The following MVB12B variants were observed in gnomAD, a reference collection of about 807,000 sequenced individuals.
MVB12B encodes the protein ESCRT-I complex subunit MVB12B.
A neutral mutation model predicts 41.6 loss-of-function variants in MVB12B; 16 were observed. That is an observed-to-expected ratio of 0.38 (90% CI 0.26 to 0.58). MVB12B has a LOEUF of 0.58. MVB12B is among the 20% of genes least tolerant of loss of function. The pLI, the probability that MVB12B is intolerant of heterozygous loss-of-function variation, is 0.62. For missense variants in MVB12B, 274 were observed against 380.2 expected, an observed-to-expected ratio of 0.72 and a Z score of 2.32; for synonymous variants, 133 against 139.7, an observed-to-expected ratio of 0.95 and a Z score of 0.34.
chr9:126,402,385 C>G (rs1831289730), intron 6 of MVB12B, among the ~76,000 whole-genome samples: 1 of 152,122 alleles, frequency 6.6e-6, no homozygotes, highest in Admixed American at 6.6e-5. Flanking sequence ...TGCCTGTAAT[C>G]CTAGCACTTT....
intron 7 of MVB12B, among the ~76,000 whole-genome samples, chr9:126,427,145 A>G (rs1305685118): frequency 6.6e-6 from 1 of 152,220 alleles, no homozygotes; most frequent in African/African-American, 2.4e-5. Flanking sequence ...AAAATGCTGT[A>G]AACAATGTAA....
chr9:126,502,882 A>C (rs1176978433), intron 9 of MVB12B, among the ~76,000 whole-genome samples: 1 of 152,178 alleles, frequency 6.6e-6, no homozygotes, highest in Non-Finnish European at 1.5e-5. Flanking sequence ...GGTTTTACAC[A>C]CTGCTGGTGC....
At chr9:126,338,090 T>C (rs1172472687) in intron 1 of MVB12B, among the ~76,000 whole-genome samples, 1 of 152,190 alleles carries the variant, frequency 6.6e-6, no homozygotes, top group Non-Finnish European at 1.5e-5. Flanking sequence ...TGGCTGGTGA[T>C]GGCGCTTCCT....
At chr9:126,455,917 G>T (rs1200555119) in intron 7 of MVB12B, among the ~76,000 whole-genome samples, 6 of 128,440 alleles carry the variant, frequency 4.7e-5, no homozygotes, top group Non-Finnish European at 1.6e-5. Flanking sequence ...TTGAGACGGA[G>T]TCTTGCTCTT....
intron 2 of MVB12B, among the ~76,000 whole-genome samples, chr9:126,360,478 A>G (rs1279174709): frequency 6.6e-6 from 1 of 152,236 alleles, no homozygotes; most frequent in Non-Finnish European, 1.5e-5. Flanking sequence ...GCTGTGATTC[A>G]TTGACTTCAG....
At chr9:126,363,567 A>C (rs1327937220) in intron 2 of MVB12B, among the ~76,000 whole-genome samples, 1 of 152,218 alleles carries the variant, frequency 6.6e-6, no homozygotes, top group East Asian at 1.9e-4. Context: ...ACTTTCCAAA[A>C]GATGAGGTTA....
At chr9:126,402,155 C>T (rs1031995976) in intron 6 of MVB12B, among the ~76,000 whole-genome samples, 20 of 152,226 alleles carry the variant, frequency 1.3e-4, no homozygotes, top group Non-Finnish European at 2.8e-4. Context: ...GAGTTGAAAT[C>T]TGTGGTTTCA....
At chr9:126,491,557 G>A (rs558396790) in intron 9 of MVB12B, among the ~76,000 whole-genome samples, 2 of 152,232 alleles carry the variant, frequency 1.3e-5, no homozygotes, top group East Asian at 3.9e-4. Flanking sequence ...ATATTTCACC[G>A]CCCAGAATCC....
intron 7 of MVB12B, among the ~76,000 whole-genome samples, chr9:126,469,357 A>G (rs1387372178): frequency 6.6e-6 from 1 of 152,208 alleles, no homozygotes; most frequent in African/African-American, 2.4e-5. Context: ...TAGCTATCCT[A>G]TTGGAATGGT....
At chr9:126,441,771 A>G (rs1832646217) in intron 7 of MVB12B, among the ~76,000 whole-genome samples, 1 of 152,230 alleles carries the variant, frequency 6.6e-6, no homozygotes, top group South Asian at 2.1e-4. Flanking sequence ...TAGTGATAAC[A>G]TTAATAGTGT....
At chr9:126,487,176 G>C (rs1833636987) in intron 9 of MVB12B, among the ~76,000 whole-genome samples, 1 of 152,198 alleles carries the variant, frequency 6.6e-6, no homozygotes, top group Non-Finnish European at 1.5e-5. Context: ...TTCTTTTTCT[G>C]CACGATCAGG....
In MVB12B at chr9:126,486,475, C is replaced by A. The variant is rs1044076707; in HGVS notation, c.873+2443C>A. 6.6e-6 allele frequency among the ~76,000 whole-genome samples: 1 copy of A among 152,222 alleles called. No individual in the cohort carries two copies. Among genetic ancestry groups the A allele is most frequent in the Admixed American group, 6.5e-5 (1 of 15,282 alleles). ...ACTGTGGACAGGGGCAAGTCACATA[C>A]CTGCTGTTTACCATGGGGTCACGGC... On this transcript the variant is annotated intron_variant, in intron 9 of 9. Transcript: ENST00000361171. The surrounding 1 kb of genome is among the most constrained non-coding windows in gnomAD (Gnocchi z 4.7).
chr9:126,384,766 CA>C (rs977636110), intron 3 of MVB12B, among the ~76,000 whole-genome samples: 85 of 151,642 alleles, frequency 5.6e-4, no homozygotes, highest in African/African-American at 2.0e-3. Flanking sequence ...CTCCTGACCT[CA>C]AGTGATCCAC....
intron 2 of MVB12B, among the ~76,000 whole-genome samples, chr9:126,378,043 G>A (rs534114621): frequency 1.3e-5 from 2 of 152,366 alleles, no homozygotes; most frequent in South Asian, 4.1e-4. Context: ...ACTGGTTTAA[G>A]CTATTGGGCC....
At position 126,340,602 on chromosome 9, in the gene MVB12B, G is replaced by A. The variant is rs769355896; in HGVS notation, c.176G>A (p.Arg59Gln). ...ACGGGAGTCGGGGTGGTGGCTTCTC[G>A]GAACCGAGCCCCGACAGGCTATGAC... is the stretch of plus-strand genomic sequence containing the variant. The part of the protein sequence containing the change: ...PITGVGVVAS[R>Q]NRAPTGYDVV... Residue 59 changes from arginine to glutamine, a missense_variant, in exon 2 of 10, where the codon CGG (arginine) becomes CAG (glutamine). By Grantham distance (43) the Arg-to-Gln change is conservative (BLOSUM62 1). Transcript: ENST00000361171. This position sits in a 1 kb window ranked among gnomAD's most constrained non-coding sequence, Gnocchi z 4.0. 12 of 1,614,016 alleles carry A rather than the reference G, an allele frequency of 7.4e-6. No individual in the cohort carries two copies. Among genetic ancestry groups the A allele is most frequent in the South Asian group, 4.4e-5 (4 of 91,088 alleles).
intron 7 of MVB12B, among the ~76,000 whole-genome samples, chr9:126,454,583 A>T (rs1347519391): frequency 6.6e-6 from 1 of 152,194 alleles, no homozygotes; most frequent in Non-Finnish European, 1.5e-5. Flanking sequence ...AAGCATCAGG[A>T]TACATTTGCA....
chr9:126,418,022 G>T (rs1365164222), intron 6 of MVB12B, among the ~76,000 whole-genome samples: 1 of 152,236 alleles, frequency 6.6e-6, no homozygotes, highest in Non-Finnish European at 1.5e-5. Context: ...GAGGAGAGGG[G>T]AAGTAAGTAG....
chr9:126,488,344 CAAAAAAAAAAAA>C (rs60489071), intron 9 of MVB12B, among the ~76,000 whole-genome samples: 1 of 132,294 alleles, frequency 7.6e-6, no homozygotes, highest in Non-Finnish European at 1.6e-5. Context: ...ACCATTAAAC[CAAAAAAAAAAAA>C]AAAAAAAAAT....
At chr9:126,462,403 A>C (rs1334658892) in intron 7 of MVB12B, among the ~76,000 whole-genome samples, 2 of 152,250 alleles carry the variant, frequency 1.3e-5, no homozygotes, top group Admixed American at 1.3e-4. Flanking sequence ...GGCAGCGGCC[A>C]TTCCAAGACA....
Sources: allele counts gnomAD v4.1 joint callset (sites outside exome capture counted in the v4.1 genomes callset), GRCh38; gene constraint gnomAD v4.1.1; non-coding constraint Gnocchi (gnomAD v3.1); transcripts MANE v1.5; gene names NCBI Gene and HGNC (gene_info 2026-07-23, HGNC 2026-07-21).